PLCL2: variants seen among roughly 807,000 people sequenced by gnomAD.
PLCL2 encodes inactive phospholipase C-like protein 2.
Under a neutral mutation model 79.6 loss-of-function variants are expected in PLCL2, and 4 were observed. That is an observed-to-expected ratio of 0.05 (90% CI 0.02 to 0.11). The LOEUF is 0.11. Ranked by LOEUF, PLCL2 falls within the 10% of genes least tolerant of loss-of-function variation. The pLI, the probability that PLCL2 is intolerant of heterozygous loss-of-function variation, is 1.00. For synonymous variants in PLCL2, 484 were observed against 457.7 expected (o/e 1.06, Z -0.73); for missense variants, 895 against 1,291.0 (o/e 0.69, Z 4.70).
At chr3:16,966,649 C>CTT (rs201838745) in intron 1 of PLCL2, among the ~76,000 whole-genome samples, 43 of 150,988 alleles carry the variant, frequency 2.8e-4, no homozygotes, top group African/African-American at 1.0e-3. Context: ...TGGTCCTGGA[C>CTT]TTTTTTTTTG....
intron 5 of PLCL2, among the ~76,000 whole-genome samples, chr3:17,085,870 A>G (rs796456277): frequency 3.3e-5 from 5 of 152,334 alleles, no homozygotes; most frequent in African/African-American, 1.2e-4. Context: ...CATATATATG[A>G]CTTATATGAG....
intron 3 of PLCL2, among the ~76,000 whole-genome samples, chr3:17,033,408 T>C (rs970016973): frequency 2.0e-5 from 3 of 152,186 alleles, no homozygotes; most frequent in African/African-American, 4.8e-5. Context: ...TAAAATTCCA[T>C]AGAAGAATTT....
chr3:16,902,954 AT>A, intron 1 of PLCL2, among the ~76,000 whole-genome samples: 1 of 151,768 alleles, frequency 6.6e-6, no homozygotes, highest in Admixed American at 6.6e-5. Context: ...CTCAACCTTC[AT>A]TAATCTTTGA....
chr3:17,036,051 G>T (rs1041745347), intron 3 of PLCL2, among the ~76,000 whole-genome samples: 3 of 152,102 alleles, frequency 2.0e-5, no homozygotes, highest in African/African-American at 4.8e-5. Context: ...AGTTACTCTG[G>T]AAACGGTTTG....
At chr3:16,913,215 C>T (rs2124929287) in intron 1 of PLCL2, among the ~76,000 whole-genome samples, 1 of 152,182 alleles carries the variant, frequency 6.6e-6, no homozygotes, top group East Asian at 1.9e-4. Flanking sequence ...CGCAAACTGA[C>T]ATTACTTCAC....
rs150536757 is a variant in PLCL2 at position 17,060,524 on chromosome 3, C to CA, written c.3095-7431dup. Among the ~76,000 whole-genome samples, 1,184 of 152,324 alleles carry CA rather than the reference C, an allele frequency of 7.8e-3. 15 individuals are homozygous for CA. Among genetic ancestry groups the CA allele is most frequent in the African/African-American group, 0.027 (1,131 of 41,574 alleles). On this transcript the variant is annotated intron_variant, in intron 4 of 5. Coordinates refer to ENST00000615277, the MANE Select transcript of PLCL2 (RefSeq NM_001144382.2). ...ATCTCCACAAGGATTAGGATGTAAA[C>CA]ACCCACAGGTAGGCCGCACACCCAA...
chr3:16,930,598 C>T (rs1242898958), intron 1 of PLCL2, among the ~76,000 whole-genome samples: 1 of 152,192 alleles, frequency 6.6e-6, no homozygotes, highest in Non-Finnish European at 1.5e-5. Context: ...CAGCCTTCTT[C>T]AGCCTCTGTT....
intron 1 of PLCL2, among the ~76,000 whole-genome samples, chr3:16,953,330 A>C (rs773841397): frequency 1.3e-5 from 2 of 152,170 alleles, no homozygotes; most frequent in Non-Finnish European, 2.9e-5. Context: ...ATGTATTTCT[A>C]TCATTTTGAA....
intron 4 of PLCL2, among the ~76,000 whole-genome samples, chr3:17,052,524 A>G (rs2064853135): frequency 1.3e-5 from 2 of 152,214 alleles, no homozygotes; most frequent in East Asian, 1.9e-4. Context: ...ACTAAAGCAA[A>G]AAGTGGAAGA....
intron 1 of PLCL2, among the ~76,000 whole-genome samples, chr3:16,963,772 G>C (rs368423488): frequency 6.6e-6 from 1 of 151,870 alleles, no homozygotes; most frequent in African/African-American, 2.4e-5. Context: ...ATTGAGGCTT[G>C]AGAAGGTTAA....
intron 3 of PLCL2, among the ~76,000 whole-genome samples, chr3:17,022,501 A>C (rs77618327): frequency 0.029 from 4,383 of 152,228 alleles, 237 homozygotes; most frequent in African/African-American, 0.1. Flanking sequence ...AGGAAATTTA[A>C]AAAAAAGAAA....
chr3:17,058,051 C>T (rs553504095), intron 4 of PLCL2, among the ~76,000 whole-genome samples: 38 of 152,198 alleles, frequency 2.5e-4, no homozygotes, highest in African/African-American at 8.7e-4. Context: ...GGAGTGAGTG[C>T]GCACTGCCGT....
At chr3:17,064,846 T>G (rs535029356) in intron 4 of PLCL2, among the ~76,000 whole-genome samples, 179 of 151,172 alleles carry the variant, frequency 1.2e-3, no homozygotes, top group Non-Finnish European at 2.1e-3. Flanking sequence ...GGAGAATTGC[T>G]TGAACCCAGG....
chr3:16,941,853 T>C (rs577043223), intron 1 of PLCL2, among the ~76,000 whole-genome samples: 11 of 152,204 alleles, frequency 7.2e-5, no homozygotes, highest in Admixed American at 2.0e-4. Flanking sequence ...GTATAAGTTT[T>C]TTTCAAGGGC....
rs765812769 is a variant in PLCL2 at position 17,009,263 on chromosome 3, G to A, written c.328-411G>A. ...GGCCTCCCAAAGTGCTGGGATTACAGGCATGAGCCACCATGCCCGGCCAAA... is the reference window on the plus strand; with the variant it reads ...GGCCTCCCAAAGTGCTGGGATTACAAGCATGAGCCACCATGCCCGGCCAAA... On this transcript the variant is annotated intron_variant, in intron 1 of 5. Coordinates refer to ENST00000615277, the MANE Select transcript of PLCL2 (RefSeq NM_001144382.2). The surrounding 1 kb of genome is among the most constrained non-coding windows in gnomAD (Gnocchi z 4.0). Among the ~76,000 whole-genome samples, 6 of 152,082 alleles carry A rather than the reference G, an allele frequency of 3.9e-5. No homozygotes were observed. The highest frequency in any genetic ancestry group is 8.8e-5 in the Non-Finnish European group (6 of 68,024).
chr3:17,072,663 T>C (rs1171801023), intron 5 of PLCL2, among the ~76,000 whole-genome samples: 3 of 142,574 alleles, frequency 2.1e-5, no homozygotes, highest in Non-Finnish European at 3.0e-5. Context: ...AGCGAGACTG[T>C]CTCAAAGAAA....
intron 1 of PLCL2, among the ~76,000 whole-genome samples, chr3:16,902,396 A>G (rs934670513): frequency 5.9e-5 from 9 of 152,200 alleles, no homozygotes; most frequent in Non-Finnish European, 1.2e-4. Context: ...ATTTCCATGC[A>G]TTTACCTTTT....
chr3:16,929,382 G>T (rs890588363), intron 1 of PLCL2, among the ~76,000 whole-genome samples: 3 of 152,100 alleles, frequency 2.0e-5, no homozygotes, highest in Non-Finnish European at 2.9e-5. Context: ...AAGAAAAGAG[G>T]TTTCCCAAAA....
In PLCL2 at chr3:17,040,909, C is replaced by T. The variant is rs569778647; in HGVS notation, c.3019-1965C>T. Among the ~76,000 whole-genome samples, 19 of 152,200 alleles carry T rather than the reference C, an allele frequency of 1.2e-4. No homozygotes were observed. In the East Asian group the frequency reaches 3.7e-3, roughly 29 times the overall value. On this transcript the variant is annotated intron_variant, in intron 3 of 5. Coordinates refer to ENST00000615277, the MANE Select transcript of PLCL2 (RefSeq NM_001144382.2). ...TCCTCATTTGTTTAATGACTGGGTT[C>T]ATTTCCTTGATCATATTTTTTTTTC...
Sources: gnomAD v4.1 joint callset for allele counts (sites outside exome capture counted in the v4.1 genomes callset) on GRCh38, gnomAD v4.1.1 for gene constraint, Gnocchi (gnomAD v3.1) non-coding constraint, MANE v1.5 for transcripts, NCBI Gene and HGNC (gene_info 2026-07-23, HGNC 2026-07-21) for gene names.